Variants in ETFA observed in about 807,000 individuals in gnomAD.
ETFA encodes electron transfer flavoprotein subunit alpha.
In ETFA, 22 loss-of-function variants were observed where a neutral mutation model predicts 46.2. The observed-to-expected ratio is 0.48, with a 90% CI of 0.34 to 0.68. ETFA has a LOEUF of 0.68. Among genes scored for constraint, ETFA ranks in the 30% least tolerant of loss-of-function variants. The pLI, the probability that ETFA is intolerant of heterozygous loss-of-function variation, is 0.01. For missense variants in ETFA, 345 were observed against 401.1 expected (o/e 0.86, Z 1.19); for synonymous variants, 131 against 139.9 (o/e 0.94, Z 0.45).
At chr15:76,219,515 T>G (rs2038933666) in intron 11 of ETFA, among the ~76,000 whole-genome samples, 1 of 152,194 alleles carries the variant, frequency 6.6e-6, no homozygotes, top group South Asian at 2.1e-4. Flanking sequence ...CATCAAAGGA[T>G]ATTCTCAAGA....
chr15:76,222,248 T>TA (rs199626564), intron 11 of ETFA, among the ~76,000 whole-genome samples: 1 of 148,134 alleles, frequency 6.8e-6, no homozygotes, highest in Non-Finnish European at 1.5e-5. Context: ...TTACAATACA[T>TA]AAAATACAAA....
chr15:76,286,173 C>T (rs907391149), intron 6 of ETFA, among the ~76,000 whole-genome samples, 198 bp downstream of exon 6: 3 of 152,148 alleles, frequency 2.0e-5, no homozygotes, highest in African/African-American at 4.8e-5. Flanking sequence ...AAGCAACTAT[C>T]CTAGTACCAA....
chr15:76,263,594 G>A (rs906467349), intron 9 of ETFA, among the ~76,000 whole-genome samples: 1 of 152,200 alleles, frequency 6.6e-6, no homozygotes, highest in Admixed American at 6.5e-5. Context: ...AAGCAGTTTT[G>A]CCCATGGTTT....
intron 7 of ETFA, among the ~76,000 whole-genome samples, chr15:76,285,083 T>C (rs1402927726): frequency 2.0e-5 from 3 of 152,198 alleles, no homozygotes; most frequent in Non-Finnish European, 4.4e-5. Flanking sequence ...ACAGTCCTTA[T>C]TTTTTCAAAA....
chr15:76,229,834 T>C (rs1209943976), intron 10 of ETFA, among the ~76,000 whole-genome samples: 1 of 152,202 alleles, frequency 6.6e-6, no homozygotes, highest in Non-Finnish European at 1.5e-5. Flanking sequence ...AATGGATAAA[T>C]GCAGGAATGT....
At chr15:76,296,421 G>A (rs896769169) in intron 1 of ETFA, among the ~76,000 whole-genome samples, 14 of 152,016 alleles carry the variant, frequency 9.2e-5, no homozygotes, top group African/African-American at 2.4e-5. Context: ...CTAGGAACTG[G>A]TCAAATTCTA....
chr15:76,268,003 G>A (rs1596209285), intron 9 of ETFA, among the ~76,000 whole-genome samples: 1 of 152,048 alleles, frequency 6.6e-6, no homozygotes, highest in Admixed American at 6.6e-5. Flanking sequence ...GAAGGTTTAA[G>A]GATTGCTTTT....
intron 4 of ETFA, among the ~76,000 whole-genome samples, chr15:76,288,791 A>G (rs1017038836): frequency 6.6e-6 from 1 of 152,016 alleles, no homozygotes; most frequent in African/African-American, 2.4e-5. Flanking sequence ...AAAGCAACAA[A>G]AATAAAATAA....
chr15:76,260,229 G>A, intron 9 of ETFA: 1 of 1,252,390 alleles, frequency 8.0e-7, no homozygotes, highest in Non-Finnish European at 1.2e-6. Context: ...TTCCAATGTG[G>A]CCTCGATGCA....
intron 8 of ETFA, among the ~76,000 whole-genome samples, chr15:76,277,844 C>T (rs967427773): frequency 6.6e-6 from 1 of 152,170 alleles, no homozygotes; most frequent in Non-Finnish European, 1.5e-5. Flanking sequence ...AATTCATCAA[C>T]AAGACTTCAA....
Position 76,234,205 on chromosome 15 carries a change from C to G in ETFA, c.817-2807G>C, listed in dbSNP as rs971468079. Among the ~76,000 whole-genome samples, 10 of 152,276 alleles carry G rather than the reference C, an allele frequency of 6.6e-5. No individual in the cohort carries two copies. The Middle Eastern group carries it at 0.01, about 155-fold the overall frequency. On this transcript the variant is annotated intron_variant, in intron 9 of 11. Coordinates refer to ENST00000557943, the MANE Select transcript of ETFA (RefSeq NM_000126.4). ...CTGAATAAACATAAAAGCACTGAAA[C>G]AATAACCCAGAACAAGTATAGGGAT...
chr15:76,289,700 T>C (rs1177168373), intron 4 of ETFA, among the ~76,000 whole-genome samples: 2 of 152,240 alleles, frequency 1.3e-5, no homozygotes, highest in Admixed American at 1.3e-4. Flanking sequence ...AGCAGACAAG[T>C]ATAAAAGTGT....
At chr15:76,254,481 C>T (rs746789268) in intron 9 of ETFA, among the ~76,000 whole-genome samples, 2 of 152,138 alleles carry the variant, frequency 1.3e-5, no homozygotes, top group Admixed American at 6.5e-5. Flanking sequence ...ATCTCTACAA[C>T]GTATTCAGTG....
intron 10 of ETFA, among the ~76,000 whole-genome samples, chr15:76,229,427 A>G (rs1263872291): frequency 3.3e-5 from 5 of 152,182 alleles, no homozygotes; most frequent in Non-Finnish European, 7.4e-5. Flanking sequence ...ATTTGCTCTG[A>G]CGTACACTAC....
At chr15:76,288,920 C>CTTCTTTTTTT (rs1225461781) in intron 4 of ETFA, among the ~76,000 whole-genome samples, 10 of 110,092 alleles carry the variant, frequency 9.1e-5, no homozygotes, top group East Asian at 8.8e-4. Context: ...TCTTCTTCTT[C>CTTCTTTTTTT]TTTTTTTTTT....
At chr15:76,273,667 G>C (rs575844759) in intron 9 of ETFA, among the ~76,000 whole-genome samples, 1 of 152,078 alleles carries the variant, frequency 6.6e-6, no homozygotes, top group African/African-American at 2.4e-5. Flanking sequence ...TCATAGAATA[G>C]AGCACTGGGA....
chr15:76,294,800 C>T (rs2039801486), intron 2 of ETFA, among the ~76,000 whole-genome samples: 1 of 152,208 alleles, frequency 6.6e-6, no homozygotes, highest in Non-Finnish European at 1.5e-5. Context: ...CTACCCACCT[C>T]AGCTTCCCAA....
At chr15:76,263,957 G>C (rs972720429) in intron 9 of ETFA, among the ~76,000 whole-genome samples, 2 of 152,186 alleles carry the variant, frequency 1.3e-5, no homozygotes, top group African/African-American at 4.8e-5. Flanking sequence ...AAATGAATCA[G>C]CTGAAAAACT....
chr15:76,241,515 A>G (rs2039188055), intron 9 of ETFA, among the ~76,000 whole-genome samples: 1 of 149,562 alleles, frequency 6.7e-6, no homozygotes, highest in Non-Finnish European at 1.5e-5. Context: ...AAAAAAGTTT[A>G]TTTGGCTGGG....
Sources: allele counts gnomAD v4.1 joint callset (sites outside exome capture counted in the v4.1 genomes callset), GRCh38; gene constraint gnomAD v4.1.1; transcripts MANE v1.5; gene names NCBI Gene and HGNC (gene_info 2026-07-23, HGNC 2026-07-21).